Variants in TIMM17A observed in about 807,000 individuals in gnomAD.
The protein encoded by TIMM17A is mitochondrial import inner membrane translocase subunit Tim17-A.
Under a neutral mutation model 26.5 loss-of-function variants are expected in TIMM17A, and 15 were observed. That is an observed-to-expected ratio of 0.57 (90% CI 0.38 to 0.87). The LOEUF (loss-of-function observed/expected upper bound fraction) is 0.87, where lower values mean the gene tolerates loss of function less well. Ranked by LOEUF, TIMM17A falls within the 40% of genes least tolerant of loss-of-function variation. The pLI is 0.00. For missense variants in TIMM17A, 201 were observed against 210.0 expected, an observed-to-expected ratio of 0.96 and a Z score of 0.27; for synonymous variants, 80 against 70.8, an observed-to-expected ratio of 1.13 and a Z score of -0.66.
chr1:201,963,721 C>G lies in TIMM17A; in HGVS notation c.296C>G (p.Thr99Arg). 6.2e-7 allele frequency: 1 copy of G among 1,609,642 alleles called. No homozygotes were observed. Among genetic ancestry groups the G allele is most frequent in the Non-Finnish European group, 8.5e-7 (1 of 1,178,908 alleles). Residue 99 changes from threonine to arginine, a missense_variant, in exon 4 of 6, where the codon ACG (threonine) becomes AGG (arginine). Physicochemically the swap from Thr to Arg is moderately conservative, Grantham distance 71. Transcript: ENST00000367287. ...AACTCCATCACAAGTGGTGCCTTAA[C>G]GGGAGCCATACTGGCAGCAAGAAGT... ...PWNSITSGAL[T>R]GAILAARNGP...
At chr1:201,963,541 T>A in intron 3 of TIMM17A, 75 bp from the exon 4 acceptor site, 5 of 1,502,696 alleles carry the variant, frequency 3.3e-6, no homozygotes, top group Non-Finnish European at 4.5e-6. Context: ...AGTGAGTATG[T>A]TTTTGACTAT....
Position 201,965,496 on chromosome 1 carries a change from G to T in TIMM17A, c.383G>T (p.Gly128Val). The T allele has an allele frequency of 1.2e-6, 2 of 1,614,196 alleles. No homozygotes were observed. The highest frequency in any genetic ancestry group is 1.7e-6 in the Non-Finnish European group (2 of 1,180,016). ...GGCATTCTCCTAGCTTTAATTGAAG[G>T]AGCTGGTATCTTGTTGACAAGATTT... ...MGGILLALIE[G>V]AGILLTRFAS... Residue 128 changes from glycine (G) to valine (V), a missense_variant, in exon 5 of 6, where the codon GGA (glycine) becomes GTA (valine). Transcript: ENST00000367287.
chr1:201,967,492 C>T (rs1272764874), intron 5 of TIMM17A, among the ~76,000 whole-genome samples: 1 of 130,698 alleles, frequency 7.7e-6, no homozygotes, highest in East Asian at 2.2e-4. Context: ...TTGTTTTAGG[C>T]TTTTTTCCTC....
chr1:201,957,240 G>A, intron 1 of TIMM17A, 41 bp from the exon 2 acceptor site: 1 of 1,320,114 alleles, frequency 7.6e-7, no homozygotes. Flanking sequence ...TTTATGGTTT[G>A]TGAATGAGAA....
At chr1:201,965,768 A>T (rs565180152) in intron 5 of TIMM17A, among the ~76,000 whole-genome samples, 28 of 152,336 alleles carry the variant, frequency 1.8e-4, no homozygotes, top group Middle Eastern at 3.4e-3. Context: ...CTTAGGGTTT[A>T]TCAGTGCTCA....
intron 3 of TIMM17A, 127 bp from the exon 4 acceptor site, chr1:201,963,487 TTG>T (rs141522636): frequency 0.076 from 66,207 of 873,760 alleles, 2,993 homozygotes; most frequent in Middle Eastern, 0.16. Context: ...TTATTCAAAC[TTG>T]TGTTTGCATG....
chr1:201,961,141 C>T (rs113234174), intron 3 of TIMM17A, among the ~76,000 whole-genome samples: 3 of 150,874 alleles, frequency 2.0e-5, no homozygotes, highest in East Asian at 1.9e-4. Context: ...TCTCGGCTCA[C>T]GTCAACTTCC....
Position 201,963,728 on chromosome 1 carries a change from C to G in TIMM17A, c.303C>G (p.Ala101=). ...NSITSGALTG[A]ILAARNGPVA... is the part of the protein sequence containing the mutation. ...TCACAAGTGGTGCCTTAACGGGAGC[C>G]ATACTGGCAGCAAGAAGTAAGTAGT... Residue 101 remains alanine (A), a synonymous_variant, in exon 4 of 6, where the codon GCC becomes GCG. Coordinates refer to ENST00000367287, the MANE Select transcript of TIMM17A (RefSeq NM_006335.3). 1 of 1,604,008 alleles carries G rather than the reference C, an allele frequency of 6.2e-7. No individual in the cohort carries two copies. The highest frequency in any genetic ancestry group is 8.5e-7 in the Non-Finnish European group (1 of 1,177,572).
intron 4 of TIMM17A, 150 bp downstream of exon 4, chr1:201,963,894 G>A (rs1369847334): frequency 2.3e-6 from 2 of 873,180 alleles, no homozygotes; most frequent in Non-Finnish European, 3.2e-6. Context: ...GGAGGCTGAG[G>A]CAGGTAGATT....
intron 5 of TIMM17A, among the ~76,000 whole-genome samples, chr1:201,966,977 GTATATTATATA>G (rs1341401880): frequency 1.1e-5 from 1 of 93,368 alleles, no homozygotes; most frequent in East Asian, 3.2e-4. Context: ...TATATATGTT[GTATATTATATA>G]TGTTGTGTGT....
intron 1 of TIMM17A, 89 bp downstream of exon 1, chr1:201,955,641 G>C (rs1682396325): frequency 2.5e-6 from 4 of 1,576,224 alleles, no homozygotes; most frequent in South Asian, 2.2e-5. Flanking sequence ...GTGCAAGCCA[G>C]ACTCAACCGC....
At chr1:201,958,560 G>C (rs1682469650) in intron 3 of TIMM17A, among the ~76,000 whole-genome samples, 1 of 152,180 alleles carries the variant, frequency 6.6e-6, no homozygotes, top group East Asian at 1.9e-4. Flanking sequence ...AATTAGCCAG[G>C]TGTTGGGGCA....
intron 3 of TIMM17A, among the ~76,000 whole-genome samples, chr1:201,958,844 A>C (rs981146526): frequency 1.1e-4 from 16 of 152,196 alleles, no homozygotes; most frequent in Admixed American, 6.5e-4. Flanking sequence ...CACAGTAATG[A>C]AGAAGTTAGT....
chr1:201,969,754 C>A lies in TIMM17A; in HGVS notation c.*200C>A. The A allele has an allele frequency of 4.7e-6, 2 of 428,678 alleles. No homozygotes were observed. Among genetic ancestry groups the A allele is most frequent in the Non-Finnish European group, 8.4e-6 (2 of 239,350 alleles). The allele number at this position is 428,678 out of a possible 1,614,324, so 26.6% of individuals were successfully genotyped here. A position where few individuals can be genotyped will look rare whatever the true frequency, so the allele number is the denominator to read the frequency against. On this transcript the variant is annotated 3_prime_UTR_variant, in exon 6 of 6. Coordinates refer to ENST00000367287, the MANE Select transcript of TIMM17A (RefSeq NM_006335.3). ...AAGATAATACGTTTATTTATTCACA[C>A]TTGAATTGCATTTGTGATCAAAATA...
chr1:201,960,894 A>G (rs1682511429), intron 3 of TIMM17A, among the ~76,000 whole-genome samples: 1 of 151,566 alleles, frequency 6.6e-6, no homozygotes, highest in South Asian at 2.1e-4. Context: ...GATTATAGGC[A>G]TGCGCCACCA....
At chr1:201,957,660 A>G in intron 3 of TIMM17A, 86 bp downstream of exon 3, 3 of 1,142,656 alleles carry the variant, frequency 2.6e-6, no homozygotes, top group Non-Finnish European at 3.9e-6. Context: ...TACAACAATT[A>G]GTGATTTTAG....
chr1:201,963,529 A>G (rs540548455), intron 3 of TIMM17A, 87 bp from the exon 4 acceptor site: 159 of 1,401,710 alleles, frequency 1.1e-4, no homozygotes, highest in Non-Finnish European at 1.4e-4. Flanking sequence ...TTTTGAGACT[A>G]TAGTGAGTAT....
Position 201,965,472 on chromosome 1 carries a change from G to T in TIMM17A, c.359G>T (p.Gly120Val). The change falls in exon 5 of 6, where the codon GGC becomes GTC. Residue 120 changes from glycine to valine, a missense_variant. Transcript: ENST00000367287. ...VAMVGSAAMG[G>V]ILLALIEGAG... ...ATGGTTGGGTCAGCCGCAATGGGTG[G>T]CATTCTCCTAGCTTTAATTGAAGGA... is the stretch of plus-strand genomic sequence containing the variant. 3.1e-6 allele frequency: 5 copies of T among 1,614,076 alleles called. No homozygotes were observed. In the South Asian group the frequency reaches 4.4e-5, roughly 14 times the overall value.
At chr1:201,963,514 A>G (rs1682571750) in intron 3 of TIMM17A, 102 bp from the exon 4 acceptor site, 1 of 1,228,564 alleles carries the variant, frequency 8.1e-7, no homozygotes, top group Admixed American at 2.5e-5. Flanking sequence ...TGTTTGGACT[A>G]TAAATTTTGA....
Sources: allele counts gnomAD v4.1 joint callset (sites outside exome capture counted in the v4.1 genomes callset), GRCh38; gene constraint gnomAD v4.1.1; transcripts MANE v1.5; gene names NCBI Gene and HGNC (gene_info 2026-07-23, HGNC 2026-07-21).